Variants in FANCI observed in about 807,000 individuals in gnomAD.
The protein encoded by FANCI is FA complementation group I.
A neutral mutation model predicts 176.1 loss-of-function variants in FANCI; 156 were observed. That is an observed-to-expected ratio of 0.89 (90% CI 0.78 to 1.01). The LOEUF is 1.01. Among genes scored for constraint, FANCI ranks in the 50% least tolerant of loss-of-function variants. The pLI is 0.00. For missense variants in FANCI, 1,678 were observed against 1,534.1 expected (o/e 1.09, Z -1.57); for synonymous variants, 613 against 541.7 (o/e 1.13, Z -1.83).
intron 19 of FANCI, 66 bp from the exon 20 acceptor site, chr15:89,291,547 C>T (rs2054071037): frequency 4.0e-6 from 5 of 1,263,256 alleles, no homozygotes; most frequent in Non-Finnish European, 1.2e-6. Context: ...TACCTTTCAC[C>T]TGAGAAGTTA....
At chr15:89,260,594 A>G in intron 3 of FANCI, 119 bp from the exon 4 acceptor site, 2 of 1,312,418 alleles carry the variant, frequency 1.5e-6, no homozygotes, top group Non-Finnish European at 2.2e-6. Flanking sequence ...TAAGCACCGT[A>G]GTAATCAGTC....
chr15:89,270,553 GAATT>G (rs2053162383), intron 10 of FANCI, among the ~76,000 whole-genome samples: 3 of 151,406 alleles, frequency 2.0e-5, no homozygotes, highest in African/African-American at 7.3e-5. Context: ...TGTTCCCAAG[GAATT>G]CTAATTTTAA....
chr15:89,273,376 G>C lies in FANCI; in HGVS notation c.883-1G>C. On this transcript the variant is annotated splice_acceptor_variant, in intron 10 of 37. Coordinates refer to ENST00000310775, the MANE Select transcript of FANCI (RefSeq NM_001113378.2). LOFTEE classifies it high-confidence loss of function. ...ACTTCCTTTTGGTTGCTCTCTTCTA[G>C]GTAGGACAGCAAGGAGATTCCAATA... 2 of 1,546,656 alleles carry C rather than the reference G, an allele frequency of 1.3e-6. No homozygotes were observed. Among genetic ancestry groups the C allele is most frequent in the Non-Finnish European group, 1.8e-6 (2 of 1,121,038 alleles).
At chr15:89,290,313 C>T in intron 19 of FANCI, 32 bp downstream of exon 19, 1 of 1,523,502 alleles carries the variant, frequency 6.6e-7, no homozygotes, top group Non-Finnish European at 9.1e-7. Context: ...ATATGGAAAA[C>T]AGACCATCAA....
intron 34 of FANCI, among the ~76,000 whole-genome samples, 196 bp from the exon 35 acceptor site, chr15:89,312,708 T>C (rs1182956313): frequency 6.6e-6 from 1 of 151,586 alleles, no homozygotes; most frequent in Non-Finnish European, 1.5e-5. Context: ...TAGTCCCAGC[T>C]ACTCGGGAGG....
intron 1 of FANCI, 90 bp from the exon 2 acceptor site, chr15:89,247,539 T>C (rs1206761704): frequency 6.8e-6 from 6 of 882,532 alleles, no homozygotes; most frequent in African/African-American, 1.6e-5. Context: ...GCATAATAGG[T>C]ATGAAATATT....
chr15:89,253,883 T>C (rs186259133), intron 2 of FANCI, among the ~76,000 whole-genome samples: 180 of 144,370 alleles, frequency 1.2e-3, no homozygotes, highest in Non-Finnish European at 1.8e-3. Context: ...CATAAGAAAA[T>C]ATGCTCAACT....
At chr15:89,269,732 G>A (rs1323859323) in intron 10 of FANCI, among the ~76,000 whole-genome samples, 1 of 152,142 alleles carries the variant, frequency 6.6e-6, no homozygotes, top group South Asian at 2.1e-4. Flanking sequence ...GTACTAACGA[G>A]TGTGGCTGTT....
At chr15:89,247,929 G>A (rs1555440180) in intron 2 of FANCI, among the ~76,000 whole-genome samples, 198 bp downstream of exon 2, 1 of 152,142 alleles carries the variant, frequency 6.6e-6, no homozygotes, top group Non-Finnish European at 1.5e-5. Context: ...CTACTTGAGG[G>A]CATTTGTGAC....
intron 15 of FANCI, 148 bp from the exon 16 acceptor site, chr15:89,281,617 T>G: frequency 1.2e-6 from 1 of 809,240 alleles, no homozygotes; most frequent in Non-Finnish European, 2.1e-6. Context: ...AGTATACTAT[T>G]GTCCTTGTTA....
chr15:89,293,194 G>T, intron 22 of FANCI, 131 bp downstream of exon 22: 1 of 957,956 alleles, frequency 1.0e-6, no homozygotes, highest in Non-Finnish European at 1.6e-6. Context: ...TGAGCACCTA[G>T]TCTAAGACTA....
rs11857960 is a variant in FANCI, at chr15:89,293,908, G to T, written c.2367G>T (p.Ala789=). The T allele has an allele frequency of 0.017, 27,197 of 1,613,882 alleles. 2,370 individuals carry two copies. The African/African-American group carries it at 0.24, about 14-fold the overall frequency. The change falls in exon 23 of 38, where the codon GCG becomes GCT. Residue 789 remains alanine (A), a synonymous_variant. Transcript: ENST00000310775. ...KKLSDILNEK[A]GKAKTKMANK... is the part of the protein sequence containing the mutation. ...TCTCTGACATTCTTAATGAAAAAGC[G>T]GGTAAAGCCAAAACTAAAATGGCCA...
At position 89,282,240 on chromosome 15, in the gene FANCI, C is replaced by T. The variant is rs995108361; in HGVS notation, c.1583+405C>T. On this transcript the variant is annotated intron_variant, in intron 16 of 37. Coordinates refer to ENST00000310775, the MANE Select transcript of FANCI (RefSeq NM_001113378.2). ...TGTTCTAGTGTCAAATACTCTGAAACCTGAGCTGGCAGCAGTTCCAAAGGG... is the reference window on the plus strand; with the variant it reads ...TGTTCTAGTGTCAAATACTCTGAAATCTGAGCTGGCAGCAGTTCCAAAGGG... 1.0e-4 allele frequency: 21 copies of T among 207,758 alleles called. 1 individual carries two copies. The highest frequency in any genetic ancestry group is 2.1e-3 in the Middle Eastern group (1 of 476). 12.9% of individuals were successfully genotyped at this position (207,758 alleles called of 1,614,324 possible). A position where few individuals can be genotyped will look rare whatever the true frequency, so the allele number is the denominator to read the frequency against.
chr15:89,247,663 T>A lies in FANCI; in HGVS notation c.16T>A (p.Leu6Ile). 6.2e-7 allele frequency: 1 copy of A among 1,614,038 alleles called. No individual in the cohort carries two copies. Among genetic ancestry groups the A allele is most frequent in the Non-Finnish European group, 8.5e-7 (1 of 1,179,960 alleles). The part of the protein sequence containing the change: MDQKI[L>I]SLAAEKTADK... The stretch of plus-strand genomic sequence containing the variant: ...ATGAGCAACAATGGACCAGAAGATT[T>A]TATCTCTAGCAGCAGAAAAAACAGC... Residue 6 changes from leucine to isoleucine, a missense_variant, in exon 2 of 38, where the codon TTA (leucine) becomes ATA (isoleucine). Around this residue, in one of 3 missense-constraint regions of FANCI, gnomAD observed 469 missense variants for 436.9 expected, o/e 1.07. Coordinates refer to ENST00000310775, the MANE Select transcript of FANCI (RefSeq NM_001113378.2).
rs143158186 is a variant in FANCI, at chr15:89,284,529, T to C, written c.1699-567T>C. ...GTTAAATAACTTGCCCAAGGTTATA[T>C]AACCAAGAAAGGGTGGAAGAAGGAT... is the stretch of plus-strand genomic sequence containing the variant. On this transcript the variant is annotated intron_variant, in intron 17 of 37. Coordinates refer to ENST00000310775, the MANE Select transcript of FANCI (RefSeq NM_001113378.2). Among the ~76,000 whole-genome samples the C allele has an allele frequency of 2.7e-3, 405 of 152,342 alleles. 8 individuals are homozygous for C. Among genetic ancestry groups the C allele is most frequent in the East Asian group, 0.015 (77 of 5,188 alleles).
chr15:89,255,598 G>T (rs1008508214), intron 2 of FANCI, among the ~76,000 whole-genome samples: 3 of 152,042 alleles, frequency 2.0e-5, no homozygotes, highest in Admixed American at 1.3e-4. Flanking sequence ...TTGTGAGACC[G>T]CATAAACTCA....
intron 10 of FANCI, among the ~76,000 whole-genome samples, chr15:89,271,572 C>T (rs1417268676): frequency 2.0e-5 from 3 of 152,172 alleles, no homozygotes; most frequent in Admixed American, 2.0e-4. Context: ...GATCATGGCT[C>T]ACTGCACCCT....
intron 1 of FANCI, chr15:89,245,967 G>C (rs1035917101): frequency 6.6e-6 from 1 of 152,318 alleles, no homozygotes; most frequent in African/African-American, 2.4e-5. Context: ...ATGGAGAAAA[G>C]TAGACAGATT....
chr15:89,257,515 T>G (rs572753052), intron 2 of FANCI, among the ~76,000 whole-genome samples: 2 of 152,346 alleles, frequency 1.3e-5, no homozygotes, highest in South Asian at 4.1e-4. Flanking sequence ...TTAGCATTCC[T>G]TGGCTTGTAT....
Sources: allele counts gnomAD v4.1 joint callset (sites outside exome capture counted in the v4.1 genomes callset), GRCh38; gene constraint gnomAD v4.1.1; regional missense constraint gnomAD v4.1.1; transcripts MANE v1.5; gene names NCBI Gene and HGNC (gene_info 2026-07-23, HGNC 2026-07-21).